Variants in TCERG1L observed in about 807,000 individuals in gnomAD.
TCERG1L encodes the protein transcription elongation regulator 1 like.
Under a neutral mutation model 56.3 loss-of-function variants are expected in TCERG1L, and 37 were observed. That is an observed-to-expected ratio of 0.66 (90% CI 0.51 to 0.87). The LOEUF is 0.87. Ranked by LOEUF, TCERG1L falls within the 40% of genes least tolerant of loss-of-function variation. The pLI is 0.00. For synonymous variants in TCERG1L, 324 were observed against 326.3 expected (o/e 0.99, Z 0.08); for missense variants, 799 against 774.2 (o/e 1.03, Z -0.38).
At chr10:131,113,035 G>A (rs1318472650) in intron 9 of TCERG1L, among the ~76,000 whole-genome samples, 1 of 142,304 alleles carries the variant, frequency 7.0e-6, no homozygotes, top group Non-Finnish European at 1.6e-5. Context: ...TGGGAGGCTG[G>A]GCCTGCAGGC....
chr10:131,235,643 T>C (rs1405994634), intron 4 of TCERG1L, among the ~76,000 whole-genome samples: 1 of 152,152 alleles, frequency 6.6e-6, no homozygotes, highest in African/African-American at 2.4e-5. Context: ...AACATTCTCA[T>C]AAAAAACAGC....
intron 7 of TCERG1L, among the ~76,000 whole-genome samples, chr10:131,138,137 C>T (rs2133407631): frequency 6.6e-6 from 1 of 152,272 alleles, no homozygotes; most frequent in Admixed American, 6.5e-5. Context: ...GGTGTGGTGG[C>T]ACATGTCTGT....
At chr10:131,151,837 G>T (rs1374659072) in intron 6 of TCERG1L, among the ~76,000 whole-genome samples, 1 of 152,194 alleles carries the variant, frequency 6.6e-6, no homozygotes, top group Non-Finnish European at 1.5e-5. Flanking sequence ...TAAAATCTAG[G>T]TGGAGGTTCC....
At position 131,170,150 on chromosome 10, in the gene TCERG1L, G is replaced by T. The variant is rs188794806; in HGVS notation, c.857-3265C>A. On this transcript the variant is annotated intron_variant, in intron 4 of 11. Coordinates refer to ENST00000368642, the MANE Select transcript of TCERG1L (RefSeq NM_174937.4). ...TCTTTCACAGTCATTGATTTTGCAG[G>T]TACCTTGGAGGTGTGTGGGTGGCAC... Among the ~76,000 whole-genome samples, 530 of 152,184 alleles carry T rather than the reference G, an allele frequency of 3.5e-3. 13 individuals carry two copies. Among genetic ancestry groups the T allele is most frequent in the Non-Finnish European group, 1.3e-3 (87 of 68,012 alleles).
At chr10:131,208,044 C>A (rs1354405924) in intron 4 of TCERG1L, among the ~76,000 whole-genome samples, 2 of 152,080 alleles carry the variant, frequency 1.3e-5, no homozygotes, top group Admixed American at 6.5e-5. Flanking sequence ...AGGGACCAGC[C>A]CAACCACAGA....
chr10:131,221,950 G>A (rs1471311999), intron 4 of TCERG1L, among the ~76,000 whole-genome samples: 1 of 152,220 alleles, frequency 6.6e-6, no homozygotes, highest in East Asian at 1.9e-4. Flanking sequence ...CTGCAGTCAT[G>A]AGGCTCTCAT....
At chr10:131,286,965 T>G (rs760524506) in intron 3 of TCERG1L, among the ~76,000 whole-genome samples, 3 of 152,162 alleles carry the variant, frequency 2.0e-5, no homozygotes, top group Non-Finnish European at 4.4e-5. Flanking sequence ...AAAGATAATA[T>G]CAAAGAAGGA....
chr10:131,128,403 C>T (rs1845583820), intron 8 of TCERG1L, among the ~76,000 whole-genome samples: 1 of 152,150 alleles, frequency 6.6e-6, no homozygotes, highest in Non-Finnish European at 1.5e-5. Flanking sequence ...AGAAGAAAGG[C>T]CTCCACCTAC....
At chr10:131,249,860 T>C (rs1306019395) in intron 4 of TCERG1L, among the ~76,000 whole-genome samples, 1 of 152,016 alleles carries the variant, frequency 6.6e-6, no homozygotes, top group Non-Finnish European at 1.5e-5. Context: ...GCCTGGCAAA[T>C]AAGAACCTGG....
chr10:131,155,893 C>T (rs1341782171), intron 6 of TCERG1L: 1 of 152,284 alleles, frequency 6.6e-6, no homozygotes, highest in Non-Finnish European at 1.5e-5. Flanking sequence ...ACCACACTGA[C>T]ATTTAATTCA....
At chr10:131,200,957 C>G (rs1334663349) in intron 4 of TCERG1L, among the ~76,000 whole-genome samples, 1 of 152,302 alleles carries the variant, frequency 6.6e-6, no homozygotes, top group East Asian at 1.9e-4. Context: ...GCCTTTCCCC[C>G]TCCTGCCAGT....
intron 7 of TCERG1L, among the ~76,000 whole-genome samples, chr10:131,134,774 G>T (rs535626378): frequency 8.4e-4 from 128 of 152,264 alleles, no homozygotes; most frequent in South Asian, 5.8e-3. Flanking sequence ...CTGGGAATGA[G>T]CAAATCTATG....
chr10:131,196,577 T>G (rs971304254), intron 4 of TCERG1L, among the ~76,000 whole-genome samples: 8 of 152,164 alleles, frequency 5.3e-5, no homozygotes, highest in Admixed American at 5.2e-4. Context: ...GAAAACTCTA[T>G]GATCAGTGCC....
chr10:131,238,387 G>A (rs899268872), intron 4 of TCERG1L, among the ~76,000 whole-genome samples: 2 of 152,192 alleles, frequency 1.3e-5, no homozygotes, highest in Non-Finnish European at 2.9e-5. Context: ...GGTGTAACAC[G>A]CAGGGCGGGG....
chr10:131,235,858 A>G (rs914813548), intron 4 of TCERG1L, among the ~76,000 whole-genome samples: 9 of 152,234 alleles, frequency 5.9e-5, no homozygotes, highest in Admixed American at 4.6e-4. Context: ...TATAAATCTT[A>G]TAAAACGAAA....
intron 4 of TCERG1L, among the ~76,000 whole-genome samples, chr10:131,244,867 C>G (rs113626120): frequency 7.9e-5 from 12 of 152,320 alleles, no homozygotes; most frequent in African/African-American, 2.4e-4. Flanking sequence ...GCCACCACCC[C>G]CTAGATGGGC....
Position 131,267,235 on chromosome 10 carries a change from G to C in TCERG1L, c.671-6791C>G, listed in dbSNP as rs375523130. ...AAGTCCAGAGAATCTGAGGCAGCAGGGCACTGCACATGAGCACTGCCCTGA... is the reference window on the plus strand; with the variant it reads ...AAGTCCAGAGAATCTGAGGCAGCAGCGCACTGCACATGAGCACTGCCCTGA... On this transcript the variant is annotated intron_variant, in intron 3 of 11. Transcript: ENST00000368642. The surrounding 1 kb of genome is among the most constrained non-coding windows in gnomAD (Gnocchi z 4.9). Among the ~76,000 whole-genome samples the C allele has an allele frequency of 2.5e-4, 38 of 152,146 alleles. No individual in the cohort carries two copies. Among genetic ancestry groups the C allele is most frequent in the African/African-American group, 7.2e-4 (30 of 41,422 alleles).
At chr10:131,157,951 T>C (rs2133426218) in intron 6 of TCERG1L, among the ~76,000 whole-genome samples, 1 of 152,390 alleles carries the variant, frequency 6.6e-6, no homozygotes, top group East Asian at 1.9e-4. Context: ...CCCAGGCCAT[T>C]AGACAAGAGT....
intron 4 of TCERG1L, among the ~76,000 whole-genome samples, chr10:131,196,219 A>AG (rs1189027517): frequency 6.6e-6 from 1 of 152,174 alleles, no homozygotes; most frequent in Non-Finnish European, 1.5e-5. Flanking sequence ...CCGCCACTGG[A>AG]GGTGAGATTT....
Sources: allele counts gnomAD v4.1 joint callset (sites outside exome capture counted in the v4.1 genomes callset), GRCh38; gene constraint gnomAD v4.1.1; non-coding constraint Gnocchi (gnomAD v3.1); transcripts MANE v1.5; gene names NCBI Gene and HGNC (gene_info 2026-07-23, HGNC 2026-07-21).